The following ITGA2 variants were observed in gnomAD, a reference collection of about 807,000 sequenced individuals.
ITGA2 encodes the protein integrin subunit alpha 2.
A neutral mutation model predicts 146.3 loss-of-function variants in ITGA2; 101 were observed. That is an observed-to-expected ratio of 0.69 (90% CI 0.59 to 0.81). ITGA2 has a LOEUF of 0.81. ITGA2 is among the 40% of genes least tolerant of loss of function. The pLI is 0.00. For missense variants in ITGA2, 1,281 were observed against 1,402.7 expected, an observed-to-expected ratio of 0.91 and a Z score of 1.39; for synonymous variants, 477 against 487.1, an observed-to-expected ratio of 0.98 and a Z score of 0.27.
chr5:53,075,148 A>G lies in ITGA2; in HGVS notation c.2741+11A>G, dbSNP rs765250441. On this transcript the variant is annotated intron_variant, in intron 22 of 29. Coordinates refer to ENST00000296585, the MANE Select transcript of ITGA2 (RefSeq NM_002203.4). ...TTTCCAAGCCTTAAGGTAAAACATA[A>G]TGAAGTCATGAATGGAATGATGGAT... 31 of 1,606,932 alleles carry G rather than the reference A, an allele frequency of 1.9e-5. No homozygotes were observed. The highest frequency in any genetic ancestry group is 3.3e-5 in the Admixed American group (2 of 59,818).
rs1314130878 is a variant in ITGA2, at chr5:53,083,423, T to G, written c.3228T>G (p.Thr1076=). The G allele has an allele frequency of 1.2e-6, 2 of 1,610,674 alleles. No individual in the cohort carries two copies. Among genetic ancestry groups the G allele is most frequent in the Admixed American group, 3.3e-5 (2 of 59,994 alleles). The change falls in exon 27 of 30, where the codon ACT becomes ACG. Residue 1076 remains threonine (T), a synonymous_variant. Coordinates refer to ENST00000296585, the MANE Select transcript of ITGA2 (RefSeq NM_002203.4). The stretch of plus-strand genomic sequence containing the variant: ...AAGGAGAATACTTTGTTAATGTGAC[T>G]ACCAGAATTTGGAACGGGACTTTCG... ...HMKGEYFVNV[T]TRIWNGTFAS...
Position 52,989,414 on chromosome 5 carries a change from C to G in ITGA2, c.-55C>G. ...TCTCGTATCCCTCGGCCAAGGGTAT[C>G]CTCTGCAAACCTCTGCAAACCCAGC... On this transcript the variant is annotated 5_prime_UTR_variant, in exon 1 of 30. The change creates a new upstream start codon in the 5' untranslated region. Transcript: ENST00000296585. 2.5e-6 allele frequency: 4 copies of G among 1,568,878 alleles called. No individual in the cohort carries two copies. Among genetic ancestry groups the G allele is most frequent in the Non-Finnish European group, 3.5e-6 (4 of 1,138,712 alleles).
intron 1 of ITGA2, among the ~76,000 whole-genome samples, chr5:52,997,792 A>G (rs1187963460): frequency 6.6e-6 from 1 of 152,178 alleles, no homozygotes; most frequent in Non-Finnish European, 1.5e-5. Flanking sequence ...AGAGACCCCA[A>G]ACCATCCTGG....
intron 1 of ITGA2, among the ~76,000 whole-genome samples, chr5:53,009,282 C>T (rs1401106789): frequency 6.6e-6 from 1 of 152,136 alleles, no homozygotes; most frequent in Non-Finnish European, 1.5e-5. Context: ...TAATCCCCAA[C>T]ACCTATGAGT....
rs1268287716 is a variant in ITGA2, at chr5:53,091,677, T to TA, written c.*1079dup. ...CTCCTTCAGGACAGCTGCTGTGCAT[T>TA]AGATATTAGGGGGGAAAGTCATCTG... On this transcript the variant is annotated 3_prime_UTR_variant, in exon 30 of 30. Transcript: ENST00000296585. The TA allele has an allele frequency of 6.6e-6, 1 of 152,222 alleles. No homozygotes were observed. Among genetic ancestry groups the TA allele is most frequent in the Non-Finnish European group, 1.5e-5 (1 of 68,052 alleles). 9.4% of individuals were successfully genotyped at this position (152,222 alleles called of 1,614,324 possible).
At chr5:53,027,989 G>A (rs1743034594) in intron 2 of ITGA2, among the ~76,000 whole-genome samples, 1 of 152,070 alleles carries the variant, frequency 6.6e-6, no homozygotes. Flanking sequence ...GCCGAGCTGG[G>A]AGGTTGGCTT....
chr5:53,017,779 G>A (rs1742466918), intron 1 of ITGA2, among the ~76,000 whole-genome samples: 1 of 152,190 alleles, frequency 6.6e-6, no homozygotes, highest in Admixed American at 6.5e-5. Flanking sequence ...GGTAGGATGA[G>A]CATGCACTGG....
At position 53,091,236 on chromosome 5, in the gene ITGA2, A is replaced by G. The variant is rs1740404561; in HGVS notation, c.*637A>G. 6.2e-6 allele frequency: 1 copy of G among 160,692 alleles called. No individual in the cohort carries two copies. The highest frequency in any genetic ancestry group is 2.4e-5 in the African/African-American group (1 of 41,478). 10.0% of individuals were successfully genotyped at this position (160,692 alleles called of 1,614,324 possible). On this transcript the variant is annotated 3_prime_UTR_variant, in exon 30 of 30. Transcript: ENST00000296585. ...CCCTTCCACACCCCATCTTGCTCTA[A>G]TGATCAAAACATGCTTGAATAACTG...
At chr5:53,051,325 G>A in intron 6 of ITGA2, 86 bp from the exon 7 acceptor site, 3 of 1,412,324 alleles carry the variant, frequency 2.1e-6, no homozygotes, top group South Asian at 1.2e-5. Flanking sequence ...ATGTCTAAAT[G>A]TACTTTTGAT....
chr5:53,050,357 G>A (rs1744294530), intron 6 of ITGA2, among the ~76,000 whole-genome samples: 1 of 152,028 alleles, frequency 6.6e-6, no homozygotes, highest in Non-Finnish European at 1.5e-5. Flanking sequence ...GAAGTCCTGG[G>A]GCTCTGTCGT....
intron 2 of ITGA2, among the ~76,000 whole-genome samples, chr5:53,038,826 C>T (rs1426485009): frequency 2.6e-5 from 4 of 152,140 alleles, no homozygotes; most frequent in African/African-American, 9.7e-5. Flanking sequence ...CACAGTGGCT[C>T]ACACCAGTAA....
At chr5:53,065,458 A>G (rs1413414644) in intron 14 of ITGA2, among the ~76,000 whole-genome samples, 1 of 151,956 alleles carries the variant, frequency 6.6e-6, no homozygotes, top group African/African-American at 2.4e-5. Context: ...AATTTCAGCA[A>G]TAGGAGTATC....
intron 2 of ITGA2, among the ~76,000 whole-genome samples, chr5:53,033,506 C>A (rs1456660008): frequency 6.6e-6 from 1 of 152,058 alleles, no homozygotes; most frequent in Non-Finnish European, 1.5e-5. Flanking sequence ...AGATAAAAGT[C>A]TCTTACCATT....
Position 53,083,670 on chromosome 5 carries a change from A to G in ITGA2, c.3258+217A>G, listed in dbSNP as rs569602870. ...CAGAGTCATCTGGGATACTTGTGAA[A>G]GGGTCTGTTTCTCAGACTCCATGCG... is the stretch of plus-strand genomic sequence containing the variant. On this transcript the variant is annotated intron_variant, in intron 27 of 29. Coordinates refer to ENST00000296585, the MANE Select transcript of ITGA2 (RefSeq NM_002203.4). Among the ~76,000 whole-genome samples the G allele has an allele frequency of 2.6e-5, 4 of 152,306 alleles. No homozygotes were observed. In the South Asian group the frequency reaches 8.3e-4, roughly 32 times the overall value.
At chr5:53,036,391 C>T (rs1353929108) in intron 2 of ITGA2, among the ~76,000 whole-genome samples, 1 of 152,168 alleles carries the variant, frequency 6.6e-6, no homozygotes, top group Non-Finnish European at 1.5e-5. Context: ...TCATTACGTA[C>T]AAGTCACTAC....
At chr5:52,994,034 A>G (rs1234076066) in intron 1 of ITGA2, among the ~76,000 whole-genome samples, 1 of 152,314 alleles carries the variant, frequency 6.6e-6, no homozygotes, top group Non-Finnish European at 1.5e-5. Context: ...TAGCACTGCA[A>G]ATCATGAGAC....
rs1464091403 is a variant in ITGA2, at chr5:53,067,230, A to G, written c.2056A>G (p.Arg686Gly). ...ILKLCFSAKF[R>G]PTKQNNQVAI... ...CAAACTCTGCTTCAGTGCAAAGTTC[A>G]GACCTACTAAGCAAAACAATCAAGT... Residue 686 changes from arginine (R) to glycine (G), a missense_variant, in exon 16 of 30, where the codon AGA becomes GGA. By Grantham distance (125) the Arg-to-Gly change is moderately radical. Around this residue, in one of 3 missense-constraint regions of ITGA2, gnomAD observed 795 missense variants for 841.7 expected, o/e 0.94. Coordinates refer to ENST00000296585, the MANE Select transcript of ITGA2 (RefSeq NM_002203.4). 6.2e-7 allele frequency: 1 copy of G among 1,611,562 alleles called. No individual in the cohort carries two copies. The highest frequency in any genetic ancestry group is 8.5e-7 in the Non-Finnish European group (1 of 1,178,682).
At chr5:52,995,667 C>A (rs1741206154) in intron 1 of ITGA2, among the ~76,000 whole-genome samples, 1 of 152,182 alleles carries the variant, frequency 6.6e-6, no homozygotes, top group Non-Finnish European at 1.5e-5. Context: ...GGATGTACAC[C>A]TGGATGTATA....
chr5:53,084,483 G>A (rs1746066071), intron 27 of ITGA2, among the ~76,000 whole-genome samples: 1 of 152,008 alleles, frequency 6.6e-6, no homozygotes, highest in Non-Finnish European at 1.5e-5. Flanking sequence ...AATATTCTTG[G>A]ACAAAGACAT....
Sources: allele counts gnomAD v4.1 joint callset (sites outside exome capture counted in the v4.1 genomes callset), GRCh38; gene constraint gnomAD v4.1.1; regional missense constraint gnomAD v4.1.1; transcripts MANE v1.5; gene names NCBI Gene and HGNC (gene_info 2026-07-23, HGNC 2026-07-21).